The following SUSD5 variants were observed in gnomAD, a reference collection of about 807,000 sequenced individuals.
SUSD5 encodes the protein sushi domain containing 5, also known as sushi domain-containing protein 5.
SUSD5 carries 33 observed loss-of-function variants against 29.5 expected under a neutral mutation model. The observed-to-expected ratio is 1.12, with a 90% CI of 0.85 to 1.49. The LOEUF (loss-of-function observed/expected upper bound fraction) is 1.49, where lower values mean the gene tolerates loss of function less well. SUSD5 is among the 40% of genes most tolerant of loss of function. The pLI, the probability that SUSD5 is intolerant of heterozygous loss-of-function variation, is 0.00. For synonymous variants in SUSD5, 308 were observed against 325.3 expected, an observed-to-expected ratio of 0.95 and a Z score of 0.57; for missense variants, 776 against 800.6, an observed-to-expected ratio of 0.97 and a Z score of 0.37.
chr3:33,161,512 T>A (rs1575528249), intron 4 of SUSD5, among the ~76,000 whole-genome samples: 1 of 152,158 alleles, frequency 6.6e-6, no homozygotes, highest in South Asian at 2.1e-4. Flanking sequence ...ACAGTAATTT[T>A]AAAACCAAAT....
At chr3:33,162,165 C>CTTAGACAAAAAATTACTTAAAAATTCCCT (rs2031203708) in intron 4 of SUSD5, among the ~76,000 whole-genome samples, 1 of 151,928 alleles carries the variant, frequency 6.6e-6, no homozygotes, top group South Asian at 2.1e-4. Context: ...AAAAATTCCC[C>CTTAGACAAAAAATTACTTAAAAATTCCCT]TATGTATAGA....
chr3:33,206,917 C>A (rs1205425448), intron 3 of SUSD5, among the ~76,000 whole-genome samples: 2 of 152,192 alleles, frequency 1.3e-5, no homozygotes, highest in Non-Finnish European at 2.9e-5. Context: ...ACTCCCCCCA[C>A]CCCTCCCCAA....
Position 33,204,613 on chromosome 3 carries a change from AC to A in SUSD5, c.409+3194del, listed in dbSNP as rs1647351824. On this transcript the variant is annotated intron_variant, in intron 3 of 4. Coordinates refer to ENST00000309558, the MANE Select transcript of SUSD5 (RefSeq NM_015551.2). The surrounding 1 kb of genome is among the most constrained non-coding windows in gnomAD (Gnocchi z 4.5). ...TGGGATTACAGGCTTGAGCCACCAC[AC>A]CCGGCCTGTTTTATTTTGTTTTGTT... Among the ~76,000 whole-genome samples the A allele has an allele frequency of 6.9e-6, 1 of 145,606 alleles. No homozygotes were observed. The highest frequency in any genetic ancestry group is 6.9e-5 in the Admixed American group (1 of 14,420).
intron 2 of SUSD5, among the ~76,000 whole-genome samples, chr3:33,211,568 C>T: frequency 6.6e-6 from 1 of 152,180 alleles, no homozygotes; most frequent in East Asian, 1.9e-4. Context: ...TCAGTTGCTG[C>T]TTCATACTTG....
intron 1 of SUSD5, among the ~76,000 whole-genome samples, chr3:33,215,474 A>G (rs918222477): frequency 6.6e-6 from 1 of 152,210 alleles, no homozygotes; most frequent in African/African-American, 2.4e-5. Context: ...TATATATGAA[A>G]CACTTATATA....
At chr3:33,161,800 T>C (rs971068059) in intron 4 of SUSD5, among the ~76,000 whole-genome samples, 3 of 152,164 alleles carry the variant, frequency 2.0e-5, no homozygotes, top group Admixed American at 6.5e-5. Flanking sequence ...AATTTTAAAA[T>C]TGTATGTACT....
chr3:33,214,218 C>A, intron 1 of SUSD5, 113 bp from the exon 2 acceptor site: 1 of 950,616 alleles, frequency 1.1e-6, no homozygotes, highest in Non-Finnish European at 1.5e-6. Flanking sequence ...CCTGAAGGCC[C>A]AAGTGCAGCA....
At chr3:33,215,481 T>C (rs1329231997) in intron 1 of SUSD5, among the ~76,000 whole-genome samples, 4 of 152,230 alleles carry the variant, frequency 2.6e-5, no homozygotes, top group East Asian at 3.8e-4. Flanking sequence ...GAAACACTTA[T>C]ATAGTGTTTA....
At chr3:33,189,642 T>G (rs1193951414) in intron 3 of SUSD5, among the ~76,000 whole-genome samples, 1 of 152,194 alleles carries the variant, frequency 6.6e-6, no homozygotes, top group Non-Finnish European at 1.5e-5. Context: ...AAGTGTTAAA[T>G]GTTCTGTATT....
chr3:33,153,433 C>G lies in SUSD5; in HGVS notation c.1199G>C (p.Gly400Ala), dbSNP rs754124134. ...EDGDRGDGSV[G>A]LDENVLVTPD... Reference sequence around the variant, plus strand: ...AGTAACTAGGACGTTTTCATCCAGCCCTACTGACCCATCCCCTCTGTCCCC... The same window carrying G: ...AGTAACTAGGACGTTTTCATCCAGCGCTACTGACCCATCCCCTCTGTCCCC... Residue 400 changes from glycine (G) to alanine (A), a missense_variant, in exon 5 of 5, where the codon GGG (glycine) becomes GCG (alanine). Gly to Ala is a moderately conservative substitution (Grantham distance 60). Transcript: ENST00000309558. The G allele has an allele frequency of 6.2e-7, 1 of 1,613,776 alleles. No individual in the cohort carries two copies. Among genetic ancestry groups the G allele is most frequent in the African/African-American group, 1.3e-5 (1 of 74,886 alleles).
At chr3:33,172,430 TTGGCTGTGGGTG>T (rs2031456567) in intron 4 of SUSD5, among the ~76,000 whole-genome samples, 1 of 152,148 alleles carries the variant, frequency 6.6e-6, no homozygotes, top group Non-Finnish European at 1.5e-5. Context: ...AACAACCCAT[TTGGCTGTGGGTG>T]TGGCTCATGA....
chr3:33,154,666 G>A (rs1199281630), intron 4 of SUSD5, among the ~76,000 whole-genome samples: 1 of 152,026 alleles, frequency 6.6e-6, no homozygotes, highest in African/African-American at 2.4e-5. Context: ...TTAAAAGGAT[G>A]CTATTTACAA....
At chr3:33,179,332 C>A (rs897950080) in intron 3 of SUSD5, among the ~76,000 whole-genome samples, 1 of 152,000 alleles carries the variant, frequency 6.6e-6, no homozygotes, top group Non-Finnish European at 1.5e-5. Flanking sequence ...GAAATCAATA[C>A]CCGAAGAACC....
At chr3:33,171,310 G>A (rs1402575138) in intron 4 of SUSD5, among the ~76,000 whole-genome samples, 1 of 151,756 alleles carries the variant, frequency 6.6e-6, no homozygotes, top group East Asian at 1.9e-4. Context: ...TCATGCCACT[G>A]CACTCCAGCC....
intron 2 of SUSD5, among the ~76,000 whole-genome samples, chr3:33,211,861 T>C (rs2032330023): frequency 6.6e-6 from 1 of 152,236 alleles, no homozygotes; most frequent in Non-Finnish European, 1.5e-5. Context: ...AGTAGTTTTA[T>C]AGTTTTGGGT....
chr3:33,164,464 T>C (rs1196883962), intron 4 of SUSD5, among the ~76,000 whole-genome samples: 2 of 152,190 alleles, frequency 1.3e-5, no homozygotes, highest in African/African-American at 4.8e-5. Flanking sequence ...CACTTGAAGA[T>C]GGTTAAGATG....
chr3:33,185,820 T>C (rs2031765762), intron 3 of SUSD5, among the ~76,000 whole-genome samples: 1 of 152,254 alleles, frequency 6.6e-6, no homozygotes, highest in African/African-American at 2.4e-5. Context: ...ATATTTATGT[T>C]GGTTCCAACT....
rs144305848 is a variant in SUSD5 at position 33,195,581 on chromosome 3, G to A, written c.409+12227C>T. 5.2e-3 allele frequency among the ~76,000 whole-genome samples: 793 copies of A among 152,244 alleles called. 12 individuals are homozygous for A. The highest frequency in any genetic ancestry group is 0.018 in the African/African-American group (732 of 41,536). On this transcript the variant is annotated intron_variant, in intron 3 of 4. Transcript: ENST00000309558. The stretch of plus-strand genomic sequence containing the variant: ...AGTAAAGAGATATATGCATGAAGAT[G>A]TTCAATCATGGTATTTATTATAGTG...
chr3:33,170,241 A>G (rs2031397028), intron 4 of SUSD5, among the ~76,000 whole-genome samples: 1 of 152,160 alleles, frequency 6.6e-6, no homozygotes, highest in Non-Finnish European at 1.5e-5. Context: ...TTCTGTAATT[A>G]GGGCAACAAC....
Sources: allele counts gnomAD v4.1 joint callset (sites outside exome capture counted in the v4.1 genomes callset), GRCh38; gene constraint gnomAD v4.1.1; non-coding constraint Gnocchi (gnomAD v3.1); transcripts MANE v1.5; gene names NCBI Gene and HGNC (gene_info 2026-07-23, HGNC 2026-07-21).